Variants in TLN1 observed in about 807,000 individuals in gnomAD.
The protein encoded by TLN1 is talin-1.
In TLN1, 56 loss-of-function variants were observed where a neutral mutation model predicts 292.3. The ratio of observed to expected loss-of-function variants is 0.19; its 90% CI spans 0.15 to 0.24. TLN1 has a LOEUF of 0.24. Ranked by LOEUF, TLN1 falls within the 10% of genes least tolerant of loss-of-function variation. The probability of loss-of-function intolerance (pLI) is 1.00; values close to 1 mark genes in which losing one functional copy is unlikely to be tolerated. For synonymous variants in TLN1, 1,119 were observed against 1,253.7 expected, an observed-to-expected ratio of 0.89 and a Z score of 2.27; for missense variants, 2,433 against 3,248.2, an observed-to-expected ratio of 0.75 and a Z score of 6.10.
chr9:35,711,095 G>A lies in TLN1; in HGVS notation c.4020-13C>T. On this transcript the variant is annotated splice_polypyrimidine_tract_variant and intron_variant, in intron 30 of 56. Transcript: ENST00000314888. Reference sequence around the variant, plus strand: ...GTCAGTTACTGCCCTGGGAGTGACAGAAAGTTGAGTGAAAAGGTGAATAGG... The same window carrying A: ...GTCAGTTACTGCCCTGGGAGTGACAAAAAGTTGAGTGAAAAGGTGAATAGG... 6.2e-7 allele frequency: 1 copy of A among 1,614,054 alleles called. No homozygotes were observed. The highest frequency in any genetic ancestry group is 8.5e-7 in the Non-Finnish European group (1 of 1,179,908).
chr9:35,705,846 A>G lies in TLN1; in HGVS notation c.5517T>C (p.Asp1839=), dbSNP rs1825555272. 1 of 1,614,218 alleles carries G rather than the reference A, an allele frequency of 6.2e-7. No individual in the cohort carries two copies. Among genetic ancestry groups the G allele is most frequent in the Non-Finnish European group, 8.5e-7 (1 of 1,180,040 alleles). Residue 1839 remains aspartate, a synonymous_variant, in exon 42 of 57, where the codon GAT becomes GAC. Coordinates refer to ENST00000314888, the MANE Select transcript of TLN1 (RefSeq NM_006289.4). ...DSITQAINQL[D]EGPMGEPEGS... The stretch of plus-strand genomic sequence containing the variant: ...CTTCTGGTTCACCCATTGGTCCTTC[A>G]TCTAGCTGAGGGGGGAGGATAGGGA...
At chr9:35,716,758 T>G (rs151194800) in intron 19 of TLN1, among the ~76,000 whole-genome samples, 14 of 152,258 alleles carry the variant, frequency 9.2e-5, no homozygotes, top group Middle Eastern at 3.4e-3. Context: ...GATTCTCCAG[T>G]GGGTTCTTAC....
intron 28 of TLN1, 106 bp downstream of exon 28, chr9:35,711,899 G>GGGGACAGATCTGGGAAGTCA: frequency 6.3e-7 from 1 of 1,594,244 alleles, no homozygotes; most frequent in Non-Finnish European, 8.5e-7. Context: ...AGTAATGAAA[G>GGGGACAGATCTGGGAAGTCA]GGGACAGATC....
Position 35,720,223 on chromosome 9 carries a change from T to C in TLN1, c.1284-4A>G, listed in dbSNP as rs1373280215. Reference sequence around the variant, plus strand: ...TTGCTGCTGCAGGACTGTTGACCTGTAGAGGGGTGAACTATTGAGCTCACA... The same window carrying C: ...TTGCTGCTGCAGGACTGTTGACCTGCAGAGGGGTGAACTATTGAGCTCACA... On this transcript the variant is annotated splice_region_variant and splice_polypyrimidine_tract_variant and intron_variant, in intron 12 of 56. Coordinates refer to ENST00000314888, the MANE Select transcript of TLN1 (RefSeq NM_006289.4). 6.3e-7 allele frequency: 1 copy of C among 1,578,116 alleles called. No homozygotes were observed. The highest frequency in any genetic ancestry group is 1.2e-5 in the South Asian group (1 of 84,678).
chr9:35,731,575 C>T (rs1421118364), intron 1 of TLN1, among the ~76,000 whole-genome samples: 4 of 150,778 alleles, frequency 2.7e-5, no homozygotes, highest in African/African-American at 9.7e-5. Flanking sequence ...TGTTTGTTGA[C>T]CCTTAACCTG....
intron 7 of TLN1, 117 bp downstream of exon 7, chr9:35,723,835 C>T: frequency 1.3e-6 from 2 of 1,514,184 alleles, no homozygotes; most frequent in Admixed American, 4.2e-5. Flanking sequence ...TGGTCAAACC[C>T]TGGTACCTCG....
intron 1 of TLN1, among the ~76,000 whole-genome samples, chr9:35,729,574 T>C (rs937511915): frequency 1.3e-5 from 2 of 152,148 alleles, no homozygotes; most frequent in Non-Finnish European, 2.9e-5. Context: ...GGCAGTTACC[T>C]TGGAGATTAG....
Position 35,720,745 on chromosome 9 carries a change from TC to T in TLN1, c.1206+66del, listed in dbSNP as rs1587988294. ...GGTTCAAGCAATCTGAGTGCCCATT[TC>T]TAAAGGACTGGCTTGTGGAGAGGGC... On this transcript the variant is annotated intron_variant, in intron 11 of 56. Transcript: ENST00000314888. 8 of 1,488,724 alleles carry T rather than the reference TC, an allele frequency of 5.4e-6. No homozygotes were observed. The East Asian group carries it at 1.8e-4, about 34-fold the overall frequency. The allele number at this position is 1,488,724 out of a possible 1,614,324, so 92.2% of individuals were successfully genotyped here.
In TLN1 at chr9:35,698,283, G is replaced by A. The variant is rs1825402919; in HGVS notation, c.7371+40C>T. On this transcript the variant is annotated intron_variant, in intron 55 of 56. Coordinates refer to ENST00000314888, the MANE Select transcript of TLN1 (RefSeq NM_006289.4). This position sits in a 1 kb window ranked among gnomAD's most constrained non-coding sequence, Gnocchi z 5.3. ...ATCTCGGGAGTGACAGTTTGAAGCAGTATAGCCCAAGGGACAATGGGATGG... is the reference window on the plus strand; with the variant it reads ...ATCTCGGGAGTGACAGTTTGAAGCAATATAGCCCAAGGGACAATGGGATGG... The A allele has an allele frequency of 1.5e-5, 24 of 1,611,428 alleles. No homozygotes were observed. Among genetic ancestry groups the A allele is most frequent in the Non-Finnish European group, 1.9e-5 (22 of 1,178,080 alleles).
chr9:35,727,582 C>G (rs187393359), intron 1 of TLN1, among the ~76,000 whole-genome samples: 1 of 152,314 alleles, frequency 6.6e-6, no homozygotes, highest in African/African-American at 2.4e-5. Flanking sequence ...CCTCCCCACT[C>G]CTGGGGCACT....
chr9:35,698,265 G>A lies in TLN1; in HGVS notation c.7371+58C>T. 7 of 1,608,872 alleles carry A rather than the reference G, an allele frequency of 4.4e-6. 1 individual carries two copies. The South Asian group carries it at 5.5e-5, about 13-fold the overall frequency. ...TCTCTCATAGAAACATACATCTCGG[G>A]AGTGACAGTTTGAAGCAGTATAGCC... On this transcript the variant is annotated intron_variant, in intron 55 of 56. Transcript: ENST00000314888. This position sits in a 1 kb window ranked among gnomAD's most constrained non-coding sequence, Gnocchi z 5.3.
rs1239007791 is a variant in TLN1, at chr9:35,698,366, T to C, written c.7328A>G (p.Lys2443Arg). The C allele has an allele frequency of 3.1e-6, 5 of 1,614,226 alleles. No individual in the cohort carries two copies. The change falls in exon 55 of 57, where the codon AAG (lysine) becomes AGG (arginine). Residue 2443 changes from lysine (K) to arginine (R), a missense_variant. By Grantham distance (26) the Lys-to-Arg change is conservative. Coordinates refer to ENST00000314888, the MANE Select transcript of TLN1 (RefSeq NM_006289.4). This position sits in a 1 kb window ranked among gnomAD's most constrained non-coding sequence, Gnocchi z 5.3. ...CTCCGAGTCCTGGTCAGCCTTGACC[T>C]TGCAGGCCACAAGGAGCTGGGCTGT... ...ASTAQLLVACKVKADQDSEAM... is the reference protein window; with the variant it reads ...ASTAQLLVACRVKADQDSEAM...
chr9:35,727,765 T>TC (rs1490926830), intron 1 of TLN1, among the ~76,000 whole-genome samples: 2 of 151,876 alleles, frequency 1.3e-5, no homozygotes, highest in African/African-American at 2.4e-5. Flanking sequence ...ACTGCATGTC[T>TC]CCCCCCATTT....
chr9:35,706,657 A>G lies in TLN1; in HGVS notation c.5089-106T>C. On this transcript the variant is annotated intron_variant, in intron 38 of 56. Transcript: ENST00000314888. The surrounding 1 kb of genome is among the most constrained non-coding windows in gnomAD (Gnocchi z 4.2). ...ACCAAATACCCTAACCCTCCTTCGC[A>G]CATCCCAGCCTTTGATGTCCCTAAG... 1 of 1,582,124 alleles carries G rather than the reference A, an allele frequency of 6.3e-7. No homozygotes were observed. The highest frequency in any genetic ancestry group is 8.6e-7 in the Non-Finnish European group (1 of 1,161,332).
chr9:35,703,323 T>C (rs1825499594), intron 48 of TLN1, among the ~76,000 whole-genome samples: 1 of 151,822 alleles, frequency 6.6e-6, no homozygotes, highest in Admixed American at 6.6e-5. Flanking sequence ...CTGAGGAAGA[T>C]GCCATGTGAA....
chr9:35,714,985 G>T lies in TLN1; in HGVS notation c.2754+74C>A, dbSNP rs188260914. On this transcript the variant is annotated intron_variant, in intron 21 of 56. Coordinates refer to ENST00000314888, the MANE Select transcript of TLN1 (RefSeq NM_006289.4). This position sits in a 1 kb window ranked among gnomAD's most constrained non-coding sequence, Gnocchi z 4.6. Reference sequence around the variant, plus strand: ...TCAAGGACGTATTAACTTACTCTCCGCACCTCCCTTTCAGTTCATTCCTCC... The same window carrying T: ...TCAAGGACGTATTAACTTACTCTCCTCACCTCCCTTTCAGTTCATTCCTCC... The T allele has an allele frequency of 1.2e-6, 2 of 1,610,876 alleles. No individual in the cohort carries two copies. Among genetic ancestry groups the T allele is most frequent in the African/African-American group, 2.7e-5 (2 of 74,984 alleles).
intron 1 of TLN1, among the ~76,000 whole-genome samples, chr9:35,727,675 T>C (rs1826000948): frequency 6.6e-6 from 1 of 152,160 alleles, no homozygotes; most frequent in Non-Finnish European, 1.5e-5. Flanking sequence ...GAATGAGGGC[T>C]GGGCTGGTGG....
chr9:35,713,842 GAA>G lies in TLN1; in HGVS notation c.3249+109_3249+110del, dbSNP rs1211161702. 4.2e-6 allele frequency: 5 copies of G among 1,186,546 alleles called. No individual in the cohort carries two copies. In the African/African-American group the frequency reaches 7.7e-5, roughly 18 times the overall value. 73.5% of individuals were successfully genotyped at this position (1,186,546 alleles called of 1,614,324 possible). ...AGAAAGAAAAGAAAAATAAAAGAGA[GAA>G]AGAGAAAAAAGAAAAAGGAAGGAAG... is the stretch of plus-strand genomic sequence containing the variant. On this transcript the variant is annotated intron_variant, in intron 25 of 56. Transcript: ENST00000314888.
intron 33 of TLN1, among the ~76,000 whole-genome samples, chr9:35,709,197 A>T (rs1246343321): frequency 6.6e-6 from 1 of 152,210 alleles, no homozygotes; most frequent in Non-Finnish European, 1.5e-5. Context: ...CGGGAGGCTG[A>T]GGTAGGAGAA....
Sources: gnomAD v4.1 joint callset for allele counts (sites outside exome capture counted in the v4.1 genomes callset) on GRCh38, gnomAD v4.1.1 for gene constraint, Gnocchi (gnomAD v3.1) non-coding constraint, MANE v1.5 for transcripts, NCBI Gene and HGNC (gene_info 2026-07-23, HGNC 2026-07-21) for gene names.